The following NIPBL variants were observed in gnomAD, a reference collection of about 807,000 sequenced individuals.
The protein encoded by NIPBL is nipped-B-like protein.
A neutral mutation model predicts 321.8 loss-of-function variants in NIPBL; 19 were observed. That is an observed-to-expected ratio of 0.06 (90% CI 0.04 to 0.09). The LOEUF is 0.09. Ranked by LOEUF, NIPBL falls within the 10% of genes least tolerant of loss-of-function variation. NIPBL has a pLI of 1.00. For synonymous variants in NIPBL, 1,106 were observed against 1,114.1 expected (o/e 0.99, Z 0.14); for missense variants, 2,210 against 3,327.0 (o/e 0.66, Z 8.26).
intron 1 of NIPBL, among the ~76,000 whole-genome samples, chr5:36,924,189 A>G (rs1490380380): frequency 1.3e-5 from 2 of 152,174 alleles, no homozygotes; most frequent in African/African-American, 4.8e-5. Flanking sequence ...CAAATTTTTG[A>G]TCTTTAAATG....
chr5:37,045,395 GT>G, intron 36 of NIPBL, 47 bp from the exon 37 acceptor site: 1 of 1,386,910 alleles, frequency 7.2e-7, no homozygotes, highest in Non-Finnish European at 1.0e-6. Flanking sequence ...CTTGAACTTA[GT>G]AATTCAAAGA....
At position 37,044,741 on chromosome 5, in the gene NIPBL, AC is replaced by A; in HGVS notation, c.6343+14del. 6.3e-7 allele frequency: 1 copy of A among 1,584,962 alleles called. No individual in the cohort carries two copies. Among genetic ancestry groups the A allele is most frequent in the Non-Finnish European group, 8.7e-7 (1 of 1,153,438 alleles). ...CAATAGATACTATGGTAAGTTCAAT[AC>A]CAGGGTTTTAAAATTATTCTGCTAG... On this transcript the variant is annotated intron_variant, in intron 36 of 46. Coordinates refer to ENST00000282516, the MANE Select transcript of NIPBL (RefSeq NM_133433.4).
intron 1 of NIPBL, among the ~76,000 whole-genome samples, chr5:36,949,837 G>T (rs1193630673): frequency 1.3e-5 from 2 of 151,872 alleles, no homozygotes; most frequent in African/African-American, 2.4e-5. Flanking sequence ...TTGTTTGCTT[G>T]AGGAAGTTGT....
At chr5:36,971,339 T>C (rs898703736) in intron 7 of NIPBL, among the ~76,000 whole-genome samples, 4 of 152,086 alleles carry the variant, frequency 2.6e-5, no homozygotes, top group Non-Finnish European at 5.9e-5. Context: ...TGTTCCTTTA[T>C]AATGAAAAGT....
chr5:36,970,136 C>A (rs1368141057), intron 6 of NIPBL, among the ~76,000 whole-genome samples: 1 of 151,972 alleles, frequency 6.6e-6, no homozygotes, highest in Non-Finnish European at 1.5e-5. Flanking sequence ...TACCTGTAAT[C>A]CCAGTGCTTT....
In NIPBL at chr5:36,975,019, G is replaced by A. The variant is rs1010447275; in HGVS notation, c.869-757G>A. 1.9e-4 allele frequency among the ~76,000 whole-genome samples: 29 copies of A among 151,892 alleles called. 1 individual carries two copies. The highest frequency in any genetic ancestry group is 7.0e-4 in the African/African-American group (29 of 41,388). On this transcript the variant is annotated intron_variant, in intron 8 of 46. Coordinates refer to ENST00000282516, the MANE Select transcript of NIPBL (RefSeq NM_133433.4). ...ATTAACTAGGATAATTTTTCCATCT[G>A]ATTATTTTTAACACTTTCCTGTTTC...
At chr5:36,922,716 T>C (rs1434173063) in intron 1 of NIPBL, among the ~76,000 whole-genome samples, 3 of 152,196 alleles carry the variant, frequency 2.0e-5, no homozygotes, top group Non-Finnish European at 4.4e-5. Flanking sequence ...ATATTACTTA[T>C]AAAACATTTA....
chr5:36,902,085 G>A (rs1747277045), intron 1 of NIPBL, among the ~76,000 whole-genome samples: 1 of 151,230 alleles, frequency 6.6e-6, no homozygotes, highest in African/African-American at 2.4e-5. Flanking sequence ...CATGTCCTTT[G>A]CCCGTTTTTT....
At chr5:37,018,839 G>A (rs1386216107) in intron 24 of NIPBL, among the ~76,000 whole-genome samples, 2 of 152,012 alleles carry the variant, frequency 1.3e-5, no homozygotes, top group Non-Finnish European at 2.9e-5. Context: ...AAAAATAATG[G>A]CCGGGCGCAG....
chr5:36,963,611 G>C (rs1741869835), intron 6 of NIPBL, among the ~76,000 whole-genome samples: 1 of 151,476 alleles, frequency 6.6e-6, no homozygotes, highest in South Asian at 2.1e-4. Context: ...AGACCAGCCT[G>C]CGCAACATAG....
chr5:37,035,694 T>C (rs1751613370), intron 32 of NIPBL, among the ~76,000 whole-genome samples: 1 of 152,228 alleles, frequency 6.6e-6, no homozygotes, highest in Non-Finnish European at 1.5e-5. Context: ...AAAGTTATAT[T>C]TAACAGCAGT....
At chr5:36,892,642 C>T (rs1746428101) in intron 1 of NIPBL, among the ~76,000 whole-genome samples, 1 of 152,058 alleles carries the variant, frequency 6.6e-6, no homozygotes, top group Non-Finnish European at 1.5e-5. Context: ...TTTGTAGGGA[C>T]GTGGATGAAG....
At chr5:37,025,930 C>T (rs544002641) in intron 30 of NIPBL, among the ~76,000 whole-genome samples, 29 of 152,016 alleles carry the variant, frequency 1.9e-4, no homozygotes, top group Admixed American at 1.0e-3. Context: ...TCTCCAAAAG[C>T]AGTAAATATA....
intron 9 of NIPBL, among the ~76,000 whole-genome samples, chr5:36,977,768 C>T (rs1458130347): frequency 1.3e-5 from 2 of 151,736 alleles, no homozygotes; most frequent in Non-Finnish European, 2.9e-5. Flanking sequence ...CTTTTTCCCC[C>T]TTTTTGAGTC....
intron 1 of NIPBL, among the ~76,000 whole-genome samples, chr5:36,906,800 T>C (rs889934810): frequency 3.3e-5 from 5 of 152,208 alleles, no homozygotes; most frequent in Non-Finnish European, 7.3e-5. Flanking sequence ...ATGCTAGATT[T>C]TAAATATTTT....
At chr5:36,890,261 TA>T (rs1374588778) in intron 1 of NIPBL, among the ~76,000 whole-genome samples, 4 of 152,222 alleles carry the variant, frequency 2.6e-5, no homozygotes, top group Non-Finnish European at 5.9e-5. Context: ...TTTCCCCCTT[TA>T]GGGGCTTTAT....
intron 26 of NIPBL, 41 bp from the exon 27 acceptor site, chr5:37,020,734 C>T (rs372629485): frequency 6.2e-7 from 1 of 1,605,198 alleles, no homozygotes; most frequent in Non-Finnish European, 8.5e-7. Flanking sequence ...CCCTAAGTTA[C>T]AAAAAAAGAA....
intron 8 of NIPBL, among the ~76,000 whole-genome samples, chr5:36,973,284 T>TC (rs1186071830): frequency 6.6e-6 from 1 of 152,120 alleles, no homozygotes; most frequent in Non-Finnish European, 1.5e-5. Context: ...GATCTTTTTT[T>TC]CACTGATTGT....
rs772550206 is a variant in NIPBL at position 37,057,209 on chromosome 5, G to A, written c.7287G>A (p.Leu2429=). 1.2e-5 allele frequency: 19 copies of A among 1,613,626 alleles called. No homozygotes were observed. The South Asian group carries it at 1.2e-4, about 10-fold the overall frequency. ...AGAAAACAGACGTGACTATGCTCTT[G>A]TATATAGCAGACAATCTAGCCTGTT... is the stretch of plus-strand genomic sequence containing the variant. ...DTAKTDVTML[L]YIADNLACFP... Residue 2429 remains leucine, a synonymous_variant, in exon 43 of 47, where the codon TTG becomes TTA. Coordinates refer to ENST00000282516, the MANE Select transcript of NIPBL (RefSeq NM_133433.4).
Sources: allele counts gnomAD v4.1 joint callset (sites outside exome capture counted in the v4.1 genomes callset), GRCh38; gene constraint gnomAD v4.1.1; transcripts MANE v1.5; gene names NCBI Gene and HGNC (gene_info 2026-07-23, HGNC 2026-07-21).